The following CTNNA2 variants were observed in gnomAD, a reference collection of about 807,000 sequenced individuals.
The protein encoded by CTNNA2 is catenin alpha-2.
A neutral mutation model predicts 101.0 loss-of-function variants in CTNNA2; 42 were observed. The ratio of observed to expected loss-of-function variants is 0.42; its 90% CI spans 0.32 to 0.54. The LOEUF (loss-of-function observed/expected upper bound fraction) is 0.54. Among genes scored for constraint, CTNNA2 ranks in the 20% least tolerant of loss-of-function variants. The pLI, the probability that CTNNA2 is intolerant of heterozygous loss-of-function variation, is 0.14. For missense variants in CTNNA2, 871 were observed against 1,223.1 expected, an observed-to-expected ratio of 0.71 and a Z score of 4.29; for synonymous variants, 450 against 456.4, an observed-to-expected ratio of 0.99 and a Z score of 0.18.
At chr2:80,052,036 A>G (rs1258651147) in intron 7 of CTNNA2, among the ~76,000 whole-genome samples, 1 of 152,218 alleles carries the variant, frequency 6.6e-6, no homozygotes, top group African/African-American at 2.4e-5. Context: ...TCTTGATTTT[A>G]AGGACAACAC....
At chr2:79,982,946 A>G (rs187289662) in intron 7 of CTNNA2, among the ~76,000 whole-genome samples, 2 of 152,098 alleles carry the variant, frequency 1.3e-5, no homozygotes, top group Admixed American at 6.6e-5. Flanking sequence ...GAACCAAGCT[A>G]TTTTGATGTC....
At chr2:79,592,778 C>T (rs1025419198) in intron 1 of CTNNA2, among the ~76,000 whole-genome samples, 3 of 152,208 alleles carry the variant, frequency 2.0e-5, no homozygotes, top group African/African-American at 2.4e-5. Flanking sequence ...TTGATTGCCA[C>T]ATGATATGCA....
chr2:79,629,705 C>T (rs17715064), intron 1 of CTNNA2, among the ~76,000 whole-genome samples: 39,636 of 151,902 alleles, frequency 0.26, 6,160 homozygotes, highest in Admixed American at 0.38. Context: ...CTCAGTGTCT[C>T]GATAGATGGG....
intron 4 of CTNNA2, among the ~76,000 whole-genome samples, chr2:79,447,447 A>G (rs1285515621): frequency 1.3e-5 from 2 of 152,096 alleles, no homozygotes; most frequent in African/African-American, 4.8e-5. Context: ...AAGATGAGAT[A>G]GTAAGACAGT....
chr2:80,011,836 T>G (rs1438866679), intron 7 of CTNNA2, among the ~76,000 whole-genome samples: 2 of 152,180 alleles, frequency 1.3e-5, no homozygotes, highest in Non-Finnish European at 2.9e-5. Context: ...TTAGAAACAC[T>G]CATTGGTTTC....
intron 12 of CTNNA2, among the ~76,000 whole-genome samples, chr2:80,556,435 C>CAA (rs1229226144): frequency 6.6e-6 from 1 of 152,166 alleles, no homozygotes; most frequent in Admixed American, 6.5e-5. Flanking sequence ...TGGCTGCTGA[C>CAA]AAAGAGTTAG....
intron 7 of CTNNA2, among the ~76,000 whole-genome samples, chr2:80,102,886 C>A (rs1700632258): frequency 1.3e-5 from 2 of 152,108 alleles, no homozygotes; most frequent in Non-Finnish European, 2.9e-5. Flanking sequence ...GTGACGTAGG[C>A]CCTTCCACAG....
At chr2:79,581,342 A>T (rs1245974870) in intron 1 of CTNNA2, among the ~76,000 whole-genome samples, 1 of 152,176 alleles carries the variant, frequency 6.6e-6, no homozygotes, top group African/African-American at 2.4e-5. Context: ...CCTGGCCAAC[A>T]TGGTGAAACC....
chr2:79,401,828 A>C (rs1430934172), intron 4 of CTNNA2, among the ~76,000 whole-genome samples: 1 of 151,590 alleles, frequency 6.6e-6, no homozygotes, highest in Non-Finnish European at 1.5e-5. Context: ...TTTATTGAAT[A>C]TATACCTTTT....
At chr2:79,730,571 G>T (rs1485160159) in intron 2 of CTNNA2, among the ~76,000 whole-genome samples, 2 of 151,804 alleles carry the variant, frequency 1.3e-5, no homozygotes, top group African/African-American at 4.8e-5. Context: ...AATGCTAATG[G>T]ATTATTTATA....
intron 7 of CTNNA2, among the ~76,000 whole-genome samples, chr2:80,234,826 G>A (rs760981667): frequency 8.8e-5 from 13 of 147,284 alleles, no homozygotes; most frequent in Non-Finnish European, 1.8e-4. Context: ...TTTTTTTTTT[G>A]GTATGTGCTA....
chr2:79,448,707 A>G (rs898356122), intron 4 of CTNNA2, among the ~76,000 whole-genome samples: 2 of 152,072 alleles, frequency 1.3e-5, no homozygotes, highest in East Asian at 1.9e-4. Context: ...GAAGATGGGC[A>G]GTAGGTAATT....
chr2:80,512,603 T>A (rs954429913), intron 9 of CTNNA2, among the ~76,000 whole-genome samples: 2 of 152,196 alleles, frequency 1.3e-5, no homozygotes, highest in Non-Finnish European at 2.9e-5. Context: ...GGATAGCATT[T>A]TAGAGTGACC....
Position 79,937,127 on chromosome 2 carries a change from T to C in CTNNA2, c.1056+27330T>C, listed in dbSNP as rs140964000. The stretch of plus-strand genomic sequence containing the variant: ...TCATAAAAATTACATAGAGGTTTCT[T>C]ATTCAATTTCTTGTCATTTCTACTT... On this transcript the variant is annotated intron_variant, in intron 7 of 18. Coordinates refer to ENST00000402739, the MANE Select transcript of CTNNA2 (RefSeq NM_001282597.3). Among the ~76,000 whole-genome samples the C allele has an allele frequency of 2.5e-3, 378 of 152,332 alleles. 2 individuals carry two copies. The highest frequency in any genetic ancestry group is 8.7e-3 in the African/African-American group (360 of 41,566).
intron 1 of CTNNA2, among the ~76,000 whole-genome samples, chr2:79,532,227 A>C (rs1020162079): frequency 2.0e-5 from 3 of 152,082 alleles, no homozygotes; most frequent in Admixed American, 2.0e-4. Flanking sequence ...TGGGTCTCAG[A>C]AAATAAAATT....
At position 80,172,772 on chromosome 2, in the gene CTNNA2, G is replaced by A. The variant is rs188417354; in HGVS notation, c.1057-220439G>A. ...CTGGTGGTTAATTGGCAGTCTTTACGTCCCTTGGCTTATAGATGCATCACC... is the reference window on the plus strand; with the variant it reads ...CTGGTGGTTAATTGGCAGTCTTTACATCCCTTGGCTTATAGATGCATCACC... On this transcript the variant is annotated intron_variant, in intron 7 of 18. Coordinates refer to ENST00000402739, the MANE Select transcript of CTNNA2 (RefSeq NM_001282597.3). 8.5e-4 allele frequency among the ~76,000 whole-genome samples: 129 copies of A among 152,234 alleles called. 1 individual carries two copies. Among genetic ancestry groups the A allele is most frequent in the Admixed American group, 8.1e-3 (124 of 15,296 alleles).
intron 2 of CTNNA2, among the ~76,000 whole-genome samples, chr2:79,657,768 T>G (rs2104509590): frequency 6.6e-6 from 1 of 151,870 alleles, no homozygotes; most frequent in Admixed American, 6.6e-5. Context: ...TTTTAAAGAA[T>G]ATAATGGTGG....
At chr2:80,043,119 CTCCTTCCTTCCTTCCT>C (rs70940072) in intron 7 of CTNNA2, among the ~76,000 whole-genome samples, 1,559 of 51,918 alleles carry the variant, frequency 0.03, 39 homozygotes, top group African/African-American at 0.051. Context: ...CTCTTTCTTT[CTCCTTCCTTCCTTCCT>C]TCCTTCCTTC....
At chr2:80,568,987 AG>A in intron 12 of CTNNA2, among the ~76,000 whole-genome samples, 1 of 152,288 alleles carries the variant, frequency 6.6e-6, no homozygotes, top group East Asian at 1.9e-4. Context: ...TACTTAAAGC[AG>A]GGGTAAGGAC....
Sources: allele counts gnomAD v4.1 joint callset (sites outside exome capture counted in the v4.1 genomes callset), GRCh38; gene constraint gnomAD v4.1.1; transcripts MANE v1.5; gene names NCBI Gene and HGNC (gene_info 2026-07-23, HGNC 2026-07-21).